Variants in GPC3 observed in about 807,000 individuals in gnomAD.
GPC3 encodes the protein glypican 3.
A neutral mutation model predicts 34.4 loss-of-function variants in GPC3; 3 were observed. That is an observed-to-expected ratio of 0.09 (90% CI 0.04 to 0.23). The LOEUF (loss-of-function observed/expected upper bound fraction) is 0.23. GPC3 is among the 10% of genes least tolerant of loss of function. The pLI is 1.00. For missense variants in GPC3, 351 were observed against 445.6 expected (o/e 0.79, Z 1.91); for synonymous variants, 177 against 174.0 (o/e 1.02, Z -0.13).
chrX:133,578,058 C>A (rs1173794970), intron 7 of GPC3, among the ~76,000 whole-genome samples: 1 of 112,207 alleles, frequency 8.9e-6, no homozygotes, highest in Non-Finnish European at 1.9e-5. Flanking sequence ...AGTTTATCCA[C>A]ACAAAATGCT....
intron 2 of GPC3, among the ~76,000 whole-genome samples, chrX:133,793,773 G>A (rs1484582472): frequency 8.9e-6 from 1 of 111,970 alleles, no homozygotes; most frequent in African/African-American, 3.2e-5. Context: ...CTCACTGTAA[G>A]CTTTTGATGA....
At chrX:133,645,448 C>T (rs776463196) in intron 6 of GPC3, among the ~76,000 whole-genome samples, 4 of 111,960 alleles carry the variant, frequency 3.6e-5, no homozygotes, top group Non-Finnish European at 5.6e-5. Context: ...AACACTCTGG[C>T]GAGAAACCAA....
rs375346514 is a variant in GPC3 at position 133,596,413 on chromosome X, A to G, written c.1573+27T>C. On this transcript the variant is annotated intron_variant, in intron 7 of 7. Transcript: ENST00000370818. ...TCCTGAGCATCACCATTTTTAGATT[A>G]CATTTGGGTCAGCACTAATCAGTTA... is the stretch of plus-strand genomic sequence containing the variant. 6.8e-6 allele frequency: 8 copies of G among 1,180,354 alleles called. No homozygotes were observed. The African/African-American group carries it at 1.4e-4, about 21-fold the overall frequency.
At chrX:133,938,371 A>G (rs918996911) in intron 2 of GPC3, among the ~76,000 whole-genome samples, 3 of 111,406 alleles carry the variant, frequency 2.7e-5, no homozygotes, top group Non-Finnish European at 3.8e-5. Flanking sequence ...TAAACACTAC[A>G]CTGCCTTTTA....
At chrX:133,890,911 T>A (rs1386616786) in intron 2 of GPC3, among the ~76,000 whole-genome samples, 3 of 108,183 alleles carry the variant, frequency 2.8e-5, no homozygotes, top group Non-Finnish European at 5.7e-5. Context: ...TACGTGTAAT[T>A]CCAGCCACTT....
intron 2 of GPC3, among the ~76,000 whole-genome samples, chrX:133,838,965 C>T (rs1307048702): frequency 9.0e-6 from 1 of 111,303 alleles, no homozygotes; most frequent in African/African-American, 3.3e-5. Context: ...CACACGGTGG[C>T]AAAAGAATGC....
chrX:133,756,488 T>C (rs1245944409), intron 2 of GPC3, among the ~76,000 whole-genome samples: 2 of 112,096 alleles, frequency 1.8e-5, no homozygotes, highest in Non-Finnish European at 3.8e-5. Context: ...ATGCCACTCC[T>C]GTAGATCTCA....
chrX:133,774,469 G>A (rs1291598121), intron 2 of GPC3, among the ~76,000 whole-genome samples: 1 of 110,617 alleles, frequency 9.0e-6, no homozygotes, highest in Non-Finnish European at 1.9e-5. Context: ...AAATAACATA[G>A]GAAGACAAAA....
chrX:133,767,960 G>A (rs1265358587), intron 2 of GPC3, among the ~76,000 whole-genome samples: 3 of 109,095 alleles, frequency 2.7e-5, no homozygotes, highest in African/African-American at 1.0e-4. Context: ...ATAGGGTGGC[G>A]GGGTGGGGGG....
At chrX:133,665,554 T>A (rs1241107418) in intron 5 of GPC3, among the ~76,000 whole-genome samples, 1 of 112,328 alleles carries the variant, frequency 8.9e-6, no homozygotes, top group Non-Finnish European at 1.9e-5. Flanking sequence ...GGAAAATATT[T>A]TGTAGCAAAG....
At chrX:133,785,979 C>A (rs973313473) in intron 2 of GPC3, among the ~76,000 whole-genome samples, 1 of 112,320 alleles carries the variant, frequency 8.9e-6, no homozygotes, top group Non-Finnish European at 1.9e-5. Flanking sequence ...ATCAATAAGA[C>A]CTTTCTTTGA....
intron 7 of GPC3, among the ~76,000 whole-genome samples, chrX:133,588,999 C>T (rs1026719391): frequency 4.7e-4 from 52 of 111,470 alleles, no homozygotes; most frequent in African/African-American, 1.7e-3. Flanking sequence ...CCACTGCTTT[C>T]CCCCATAGCA....
chrX:133,588,486 A>G (rs914611262), intron 7 of GPC3, among the ~76,000 whole-genome samples: 1 of 111,340 alleles, frequency 9.0e-6, no homozygotes. Context: ...AATCATTAAT[A>G]TTTTGCAGTT....
rs545744588 is a variant in GPC3, at chrX:133,947,328, G to A, written c.337+5722C>T. Among the ~76,000 whole-genome samples the A allele has an allele frequency of 5.4e-5, 6 of 111,635 alleles. No homozygotes were observed. The Admixed American group carries it at 5.7e-4, about 11-fold the overall frequency. The stretch of plus-strand genomic sequence containing the variant: ...GAGTTCAGGACCTTGTTCAATCAAG[G>A]GCGATGGCCTGGGGTAAAAGAGTTC... On this transcript the variant is annotated intron_variant, in intron 2 of 7. Transcript: ENST00000370818.
chrX:133,928,128 T>C lies in GPC3; in HGVS notation c.337+24922A>G, dbSNP rs1046103057. Reference sequence around the variant, plus strand: ...CATTTCCTTTCCCCTGCCCCAATCTTGGTAGCCACTGTTTTATTCTCTATC... The same window carrying C: ...CATTTCCTTTCCCCTGCCCCAATCTCGGTAGCCACTGTTTTATTCTCTATC... On this transcript the variant is annotated intron_variant, in intron 2 of 7. Coordinates refer to ENST00000370818, the MANE Select transcript of GPC3 (RefSeq NM_004484.4). Among the ~76,000 whole-genome samples the C allele has an allele frequency of 9.9e-5, 11 of 110,816 alleles. No homozygotes were observed. The East Asian group carries it at 2.8e-3, about 29-fold the overall frequency.
intron 2 of GPC3, among the ~76,000 whole-genome samples, chrX:133,798,266 A>G (rs1202800055): frequency 8.9e-6 from 1 of 111,924 alleles, no homozygotes; most frequent in East Asian, 2.8e-4. Context: ...AGACAGGTCC[A>G]TGTCAGCTGT....
At chrX:133,592,268 TC>T (rs2069858069) in intron 7 of GPC3, among the ~76,000 whole-genome samples, 1 of 28,228 alleles carries the variant, frequency 3.5e-5, no homozygotes, top group African/African-American at 1.4e-4. Flanking sequence ...ATGCTATCCC[TC>T]CCCCCTCCCC....
At position 133,795,943 on chromosome X, in the gene GPC3, CTTTTTTTTT is replaced by C. The variant is rs753300332; in HGVS notation, c.338-41776_338-41768del. Among the ~76,000 whole-genome samples the C allele has an allele frequency of 1.5e-3, 126 of 84,912 alleles. 1 individual carries two copies. Among genetic ancestry groups the C allele is most frequent in the Non-Finnish European group, 2.6e-3 (113 of 43,488 alleles). 73.7% of individuals were successfully genotyped at this position (84,912 alleles called of 115,157 possible). On this transcript the variant is annotated intron_variant, in intron 2 of 7. Coordinates refer to ENST00000370818, the MANE Select transcript of GPC3 (RefSeq NM_004484.4). ...GGCTATAAGAGCCATTTTCTTTTTC[CTTTTTTTTT>C]TTTTTTTTTTTGAGATGGAGTCTCG...
intron 7 of GPC3, among the ~76,000 whole-genome samples, chrX:133,577,006 T>C (rs1265846960): frequency 8.9e-6 from 1 of 111,807 alleles, no homozygotes; most frequent in African/African-American, 3.2e-5. Context: ...CATGGTCTCA[T>C]GATCTGAGTT....
Sources: gnomAD v4.1 joint callset for allele counts (sites outside exome capture counted in the v4.1 genomes callset) on GRCh38, gnomAD v4.1.1 for gene constraint, MANE v1.5 for transcripts, NCBI Gene and HGNC (gene_info 2026-07-23, HGNC 2026-07-21) for gene names.